The following RYR3 variants were observed in gnomAD, a reference collection of about 807,000 sequenced individuals.
The protein encoded by RYR3 is ryanodine receptor 3, also known as brain ryanodine receptor-calcium release channel.
RYR3 carries 207 observed loss-of-function variants against 584.3 expected under a neutral mutation model. The ratio of observed to expected loss-of-function variants is 0.35; its 90% confidence interval spans 0.32 to 0.40. RYR3 has a LOEUF of 0.40. Among genes scored for constraint, RYR3 ranks in the 10% least tolerant of loss-of-function variants. The pLI is 1.00. For missense variants in RYR3, 5,616 were observed against 6,089.2 expected (o/e 0.92, Z 2.59); for synonymous variants, 2,416 against 2,248.5 (o/e 1.07, Z -2.11).
intron 1 of RYR3, among the ~76,000 whole-genome samples, chr15:33,387,661 A>AC (rs5811754): frequency 0.16 from 14,248 of 86,926 alleles, 707 homozygotes; most frequent in Non-Finnish European, 0.21. Flanking sequence ...AAATGACCTC[A>AC]CAAAAAAAAA....
At chr15:33,702,338 A>G (rs1268122981) in intron 42 of RYR3, among the ~76,000 whole-genome samples, 1 of 152,198 alleles carries the variant, frequency 6.6e-6, no homozygotes, top group Non-Finnish European at 1.5e-5. Context: ...CTGAACAGAA[A>G]CAAGTCTTGA....
intron 1 of RYR3, among the ~76,000 whole-genome samples, chr15:33,458,969 G>T (rs553813440): frequency 3.9e-5 from 6 of 152,214 alleles, no homozygotes; most frequent in African/African-American, 1.4e-4. Context: ...TGTCATGCCT[G>T]TATTAGTATA....
At chr15:33,794,338 T>TAAAC (rs2075442541) in intron 67 of RYR3, among the ~76,000 whole-genome samples, 9 of 138,170 alleles carry the variant, frequency 6.5e-5, no homozygotes, top group African/African-American at 1.6e-4. Context: ...TATATGTTTA[T>TAAAC]ATATATAAAA....
chr15:33,765,654 AAG>A (rs1427707103), intron 60 of RYR3, among the ~76,000 whole-genome samples: 11,893 of 135,552 alleles, frequency 0.088, 743 homozygotes, highest in South Asian at 0.15. Context: ...AAAAAAAAAA[AAG>A]AAAATAGTCT....
intron 32 of RYR3, among the ~76,000 whole-genome samples, chr15:33,658,354 G>A (rs560389027): frequency 2.6e-5 from 4 of 152,290 alleles, no homozygotes; most frequent in East Asian, 1.9e-4. Context: ...TGGCCCTCTC[G>A]TAAGCCTTCT....
intron 38 of RYR3, among the ~76,000 whole-genome samples, chr15:33,694,185 T>A (rs1030678665): frequency 6.6e-6 from 1 of 151,900 alleles, no homozygotes; most frequent in African/African-American, 2.4e-5. Flanking sequence ...TTAAATTATT[T>A]CTTTTGTGCT....
At chr15:33,669,267 G>T in intron 36 of RYR3, 87 bp from the exon 37 acceptor site, 1 of 906,818 alleles carries the variant, frequency 1.1e-6, no homozygotes, top group Non-Finnish European at 1.6e-6. Flanking sequence ...AATTTGAAAA[G>T]AATGTAAGTG....
Position 33,748,228 on chromosome 15 carries a change from G to C in RYR3, c.8104G>C (p.Glu2702Gln). Residue 2702 changes from glutamate to glutamine, a missense_variant, in exon 54 of 104, where the codon GAG becomes CAG. Around this residue, in one of 9 missense-constraint regions of RYR3, gnomAD observed 1,280 missense variants for 1,426.2 expected, o/e 0.90. Transcript: ENST00000634891. ...GEALVQQREN[E>Q]KLRSVSQANQ... ...AGCTTTGGTTCAACAGCGGGAAAATGAGAAGCTTCGAAGTGTGTCCCAGGC... is the reference window on the plus strand; with the variant it reads ...AGCTTTGGTTCAACAGCGGGAAAATCAGAAGCTTCGAAGTGTGTCCCAGGC... The C allele has an allele frequency of 6.2e-7, 1 of 1,613,932 alleles. No individual in the cohort carries two copies. Among genetic ancestry groups the C allele is most frequent in the Non-Finnish European group, 8.5e-7 (1 of 1,179,874 alleles).
intron 1 of RYR3, among the ~76,000 whole-genome samples, chr15:33,314,710 C>G (rs571252200): frequency 3.7e-4 from 57 of 152,024 alleles, no homozygotes; most frequent in African/African-American, 1.4e-3. Context: ...GTCAGGAGAT[C>G]GAGACCATCC....
intron 38 of RYR3, among the ~76,000 whole-genome samples, chr15:33,687,579 G>C (rs977803403): frequency 2.6e-5 from 4 of 152,018 alleles, no homozygotes; most frequent in South Asian, 2.1e-4. Context: ...AGTTAATATG[G>C]AACCAAAAAA....
At chr15:33,861,659 A>G (rs773126281) in intron 102 of RYR3, among the ~76,000 whole-genome samples, 2 of 152,052 alleles carry the variant, frequency 1.3e-5, no homozygotes, top group African/African-American at 2.4e-5. Context: ...TCCTCCCACT[A>G]CATCATAATA....
chr15:33,817,722 C>G (rs2076892387), intron 75 of RYR3, among the ~76,000 whole-genome samples: 1 of 152,040 alleles, frequency 6.6e-6, no homozygotes, highest in African/African-American at 2.4e-5. Flanking sequence ...TTATGTCTTT[C>G]ATTCTTCCCA....
intron 16 of RYR3, among the ~76,000 whole-genome samples, chr15:33,591,752 A>G (rs1042694827): frequency 1.3e-5 from 2 of 152,210 alleles, no homozygotes; most frequent in African/African-American, 4.8e-5. Context: ...TTTGAGAAAA[A>G]TATATGATAA....
chr15:33,744,689 G>C (rs937402229), intron 52 of RYR3, among the ~76,000 whole-genome samples: 1 of 152,182 alleles, frequency 6.6e-6, no homozygotes, highest in African/African-American at 2.4e-5. Flanking sequence ...CGCGCTGCCG[G>C]CCTTGGGAAC....
At chr15:33,433,091 A>T (rs1471374043) in intron 1 of RYR3, among the ~76,000 whole-genome samples, 3 of 152,148 alleles carry the variant, frequency 2.0e-5, no homozygotes, top group Non-Finnish European at 4.4e-5. Context: ...CTAGAGGAAG[A>T]TAAAATGGGA....
rs1163740250 is a variant in RYR3, at chr15:33,384,033, T to G, written c.51+72937T>G. ...GAACAGAAAACTAAATACCACATGT[T>G]GTCACTTGTAAGTGAGAGCTAAACA... On this transcript the variant is annotated intron_variant, in intron 1 of 103. Coordinates refer to ENST00000634891, the MANE Select transcript of RYR3 (RefSeq NM_001036.6). Among the ~76,000 whole-genome samples, 3 of 152,178 alleles carry G rather than the reference T, an allele frequency of 2.0e-5. No individual in the cohort carries two copies. The East Asian group carries it at 5.8e-4, about 29-fold the overall frequency.
At chr15:33,492,586 G>A (rs549751075) in intron 2 of RYR3, among the ~76,000 whole-genome samples, 4 of 152,260 alleles carry the variant, frequency 2.6e-5, no homozygotes, top group African/African-American at 9.6e-5. Flanking sequence ...TTTGGAAGCC[G>A]AGCTGTTTTC....
At chr15:33,714,282 C>T (rs754430795) in intron 43 of RYR3, among the ~76,000 whole-genome samples, 5 of 152,058 alleles carry the variant, frequency 3.3e-5, no homozygotes, top group African/African-American at 4.8e-5. Flanking sequence ...ATATCAAAAG[C>T]TTTTAATATA....
Position 33,749,814 on chromosome 15 carries a change from G to A in RYR3, c.8200-165G>A, listed in dbSNP as rs565764482. ...GTGTATGGGAGGATAGGAAACTAAT[G>A]AGGTACATAAGCACACACTAATTAA... On this transcript the variant is annotated intron_variant, in intron 55 of 103. Transcript: ENST00000634891. 2.0e-5 allele frequency among the ~76,000 whole-genome samples: 3 copies of A among 152,300 alleles called. No homozygotes were observed. In the South Asian group the frequency reaches 6.2e-4, roughly 32 times the overall value.
Sources: gnomAD v4.1 joint callset for allele counts (sites outside exome capture counted in the v4.1 genomes callset) on GRCh38, gnomAD v4.1.1 for gene constraint, gnomAD v4.1.1 regional missense constraint, MANE v1.5 for transcripts, NCBI Gene and HGNC (gene_info 2026-07-23, HGNC 2026-07-21) for gene names.